NKAIN2: variants seen among roughly 807,000 people sequenced by gnomAD.
NKAIN2 encodes sodium/potassium-transporting ATPase subunit beta-1-interacting protein 2.
In NKAIN2, 14 loss-of-function variants were observed where a neutral mutation model predicts 32.6. The ratio of observed to expected loss-of-function variants is 0.43; its 90% CI spans 0.28 to 0.67. The LOEUF is 0.67. Ranked by LOEUF, NKAIN2 falls within the 30% of genes least tolerant of loss-of-function variation. NKAIN2 has a pLI of 0.17. For synonymous variants in NKAIN2, 80 were observed against 87.2 expected (o/e 0.92, Z 0.46); for missense variants, 198 against 258.3 (o/e 0.77, Z 1.60).
intron 1 of NKAIN2, among the ~76,000 whole-genome samples, chr6:123,857,708 A>C (rs1179784028): frequency 6.6e-6 from 1 of 150,572 alleles, no homozygotes; most frequent in Non-Finnish European, 1.5e-5. Flanking sequence ...CTTAATAAAG[A>C]CATGTTTAAA....
intron 1 of NKAIN2, among the ~76,000 whole-genome samples, chr6:124,082,461 T>G (rs1784019615): frequency 6.6e-6 from 1 of 152,078 alleles, no homozygotes; most frequent in Admixed American, 6.6e-5. Flanking sequence ...ACTTCAATAC[T>G]ATTTAAATTG....
chr6:123,851,453 G>A (rs1775344938), intron 1 of NKAIN2, among the ~76,000 whole-genome samples: 1 of 151,982 alleles, frequency 6.6e-6, no homozygotes, highest in Non-Finnish European at 1.5e-5. Flanking sequence ...GTTTCACCAT[G>A]TTGGCCAGGC....
At chr6:124,412,889 G>C (rs552385) in intron 3 of NKAIN2, among the ~76,000 whole-genome samples, 24,514 of 152,052 alleles carry the variant, frequency 0.16, 2,275 homozygotes, top group East Asian at 0.24. Context: ...GCCCCTCCCC[G>C]AGCCTCCCTG....
chr6:124,583,824 C>T (rs1314822668), intron 3 of NKAIN2, among the ~76,000 whole-genome samples: 5 of 152,096 alleles, frequency 3.3e-5, no homozygotes, highest in African/African-American at 7.2e-5. Context: ...CATAGAGAAC[C>T]CAGAATCAAA....
chr6:124,277,428 CGT>C (rs56300244), intron 1 of NKAIN2, among the ~76,000 whole-genome samples: 23,835 of 144,428 alleles, frequency 0.17, 1,896 homozygotes, highest in African/African-American at 0.22. Context: ...GTCTGTGTGT[CGT>C]GTGTGTGTGT....
chr6:124,790,664 TAG>T (rs1156403736), intron 4 of NKAIN2, among the ~76,000 whole-genome samples: 3 of 152,048 alleles, frequency 2.0e-5, no homozygotes, highest in African/African-American at 7.2e-5. Flanking sequence ...TCTGAGAAAA[TAG>T]AGAGATCAAG....
intron 1 of NKAIN2, among the ~76,000 whole-genome samples, chr6:124,167,349 G>C (rs992738093): frequency 7.2e-5 from 11 of 151,770 alleles, no homozygotes; most frequent in Non-Finnish European, 1.3e-4. Flanking sequence ...GAATGCTTGT[G>C]ATTTTTGTAC....
At chr6:124,247,196 A>T (rs992745214) in intron 1 of NKAIN2, among the ~76,000 whole-genome samples, 2 of 152,038 alleles carry the variant, frequency 1.3e-5, no homozygotes, top group African/African-American at 4.8e-5. Context: ...GAGCCAACCT[A>T]AAAGTAACAT....
intron 3 of NKAIN2, among the ~76,000 whole-genome samples, chr6:124,455,779 A>G (rs556981523): frequency 3.6e-4 from 54 of 152,020 alleles, no homozygotes; most frequent in African/African-American, 1.2e-3. Context: ...AAAAATATGT[A>G]TAATATATAA....
chr6:124,143,449 G>GA (rs1355301542), intron 1 of NKAIN2, among the ~76,000 whole-genome samples: 1 of 152,132 alleles, frequency 6.6e-6, no homozygotes, highest in Non-Finnish European at 1.5e-5. Flanking sequence ...GGCAGAGTGA[G>GA]AGAGACCTTG....
At chr6:124,594,280 C>T (rs533350567) in intron 3 of NKAIN2, among the ~76,000 whole-genome samples, 96 of 152,008 alleles carry the variant, frequency 6.3e-4, no homozygotes, top group Middle Eastern at 3.4e-3. Flanking sequence ...CAATGATGAT[C>T]GAATCAAAAA....
intron 1 of NKAIN2, among the ~76,000 whole-genome samples, chr6:124,002,727 A>C (rs762511429): frequency 2.0e-5 from 3 of 152,222 alleles, no homozygotes; most frequent in Non-Finnish European, 4.4e-5. Flanking sequence ...AAAAAGAATG[A>C]GAGAAAAGAG....
chr6:123,881,543 A>G (rs772624040), intron 1 of NKAIN2, among the ~76,000 whole-genome samples: 1 of 152,208 alleles, frequency 6.6e-6, no homozygotes, highest in Non-Finnish European at 1.5e-5. Context: ...TGTCACTTCT[A>G]TAAAGATGTA....
At chr6:124,560,694 A>G (rs1251117127) in intron 3 of NKAIN2, among the ~76,000 whole-genome samples, 1 of 152,248 alleles carries the variant, frequency 6.6e-6, no homozygotes, top group African/African-American at 2.4e-5. Flanking sequence ...AAGATGAGCA[A>G]TTATTATCAT....
intron 1 of NKAIN2, among the ~76,000 whole-genome samples, chr6:123,816,858 AC>A (rs1773714890): frequency 6.6e-6 from 1 of 152,182 alleles, no homozygotes; most frequent in Admixed American, 6.5e-5. Flanking sequence ...TTGATTGGCC[AC>A]CTAATTGGTA....
chr6:123,821,697 G>A (rs1404487267), intron 1 of NKAIN2, among the ~76,000 whole-genome samples: 1 of 152,134 alleles, frequency 6.6e-6, no homozygotes, highest in Non-Finnish European at 1.5e-5. Flanking sequence ...ACAAGCGGGG[G>A]GCCCGAGGGC....
rs1018705941 is a variant in NKAIN2, at chr6:124,378,918, C to A, written c.273+23571C>A. On this transcript the variant is annotated intron_variant, in intron 3 of 6. Coordinates refer to ENST00000368417, the MANE Select transcript of NKAIN2 (RefSeq NM_001040214.3). Reference sequence around the variant, plus strand: ...CAGCCTGGGCAACAACGTAAAGAGACCTGACTCTACATTTTTTTTTTTTAA... The same window carrying A: ...CAGCCTGGGCAACAACGTAAAGAGAACTGACTCTACATTTTTTTTTTTTAA... Among the ~76,000 whole-genome samples the A allele has an allele frequency of 2.1e-5, 3 of 145,914 alleles. No homozygotes were observed. The Admixed American group carries it at 2.2e-4, about 11-fold the overall frequency.
chr6:124,219,327 G>T (rs1177177539), intron 1 of NKAIN2, among the ~76,000 whole-genome samples: 2 of 149,316 alleles, frequency 1.3e-5, no homozygotes, highest in East Asian at 2.0e-4. Flanking sequence ...GCCCAGGCTG[G>T]ACTGCAGTGG....
intron 1 of NKAIN2, among the ~76,000 whole-genome samples, chr6:124,117,662 A>T (rs1021973341): frequency 1.3e-5 from 2 of 152,018 alleles, no homozygotes; most frequent in Admixed American, 1.3e-4. Context: ...TAATAATAAT[A>T]AAAAAAGAAA....
Sources: allele counts gnomAD v4.1 joint callset (sites outside exome capture counted in the v4.1 genomes callset), GRCh38; gene constraint gnomAD v4.1.1; transcripts MANE v1.5; gene names NCBI Gene and HGNC (gene_info 2026-07-23, HGNC 2026-07-21).